COBLL1: variants seen among roughly 807,000 people sequenced by gnomAD.
COBLL1 encodes cordon-bleu WH2 repeat protein like 1.
In COBLL1, 50 loss-of-function variants were observed where a neutral mutation model predicts 94.8. The observed-to-expected ratio is 0.53, with a 90% CI of 0.42 to 0.67. The LOEUF (loss-of-function observed/expected upper bound fraction) is 0.67. COBLL1 is among the 30% of genes least tolerant of loss of function. COBLL1 has a pLI of 0.00. For synonymous variants in COBLL1, 448 were observed against 473.8 expected (o/e 0.95, Z 0.71); for missense variants, 1,362 against 1,348.7 (o/e 1.01, Z -0.15).
chr2:164,687,225 TTTG>T, intron 13 of COBLL1: 1 of 408,902 alleles, frequency 2.4e-6, no homozygotes, highest in South Asian at 5.4e-5. Context: ...TTTTTTTTTT[TTTG>T]GAGAGGAAGT....
intron 2 of COBLL1, among the ~76,000 whole-genome samples, chr2:164,836,013 T>C (rs1683301426): frequency 6.6e-6 from 1 of 152,168 alleles, no homozygotes; most frequent in Admixed American, 6.5e-5. Flanking sequence ...TTAACACATC[T>C]GGCGTTTCAG....
chr2:164,721,110 T>C (rs1685422722), intron 7 of COBLL1, among the ~76,000 whole-genome samples: 1 of 152,238 alleles, frequency 6.6e-6, no homozygotes, highest in Admixed American at 6.5e-5. Context: ...GTTAATTTTT[T>C]TTAAGTAAAG....
chr2:164,753,153 GA>G (rs1378993608), intron 2 of COBLL1, among the ~76,000 whole-genome samples: 1 of 152,136 alleles, frequency 6.6e-6, no homozygotes, highest in Non-Finnish European at 1.5e-5. Flanking sequence ...CAGAAGCCTG[GA>G]AAATGGGATC....
chr2:164,789,406 T>C (rs1375773515), intron 2 of COBLL1, among the ~76,000 whole-genome samples: 2 of 152,072 alleles, frequency 1.3e-5, no homozygotes, highest in African/African-American at 2.4e-5. Context: ...ATATCCTGTC[T>C]TACAAGGCTG....
downstream of COBLL1, among the ~76,000 whole-genome samples, chr2:164,678,635 T>TAAGCCACAAACAA (rs1225956299): frequency 2.0e-5 from 3 of 152,082 alleles, no homozygotes; most frequent in Non-Finnish European, 4.4e-5. Flanking sequence ...ATTAAGACAA[T>TAAGCCACAAACAA]TTAAATAAAC....
chr2:164,672,191 G>A (rs1574389292), intron 1 of COBLL1, among the ~76,000 whole-genome samples: 1 of 152,130 alleles, frequency 6.6e-6, no homozygotes, highest in East Asian at 1.9e-4. Context: ...TGCTATTTTT[G>A]CACTTTCCCT....
intron 2 of COBLL1, among the ~76,000 whole-genome samples, chr2:164,658,181 T>TCA (rs1691008697): frequency 6.6e-6 from 1 of 152,162 alleles, no homozygotes; most frequent in Admixed American, 6.5e-5. Flanking sequence ...ATGGAAGCGG[T>TCA]CACCTTCCCA....
At chr2:164,671,044 T>C (rs1162048542) in intron 1 of COBLL1, among the ~76,000 whole-genome samples, 1 of 152,160 alleles carries the variant, frequency 6.6e-6, no homozygotes, top group African/African-American at 2.4e-5. Context: ...TCAAGCAATA[T>C]TCTGAAACCC....
chr2:164,740,867 G>A (rs542632663), intron 3 of COBLL1, among the ~76,000 whole-genome samples: 2 of 152,200 alleles, frequency 1.3e-5, no homozygotes, highest in Admixed American at 1.3e-4. Flanking sequence ...TGGAGAAAAT[G>A]AGGCTAGTGA....
At chr2:164,709,840 T>A (rs1038043556) in intron 7 of COBLL1, among the ~76,000 whole-genome samples, 1 of 152,218 alleles carries the variant, frequency 6.6e-6, no homozygotes, top group Non-Finnish European at 1.5e-5. Context: ...CTGTTAATAA[T>A]GGTTAAAACT....
intron 2 of COBLL1, among the ~76,000 whole-genome samples, chr2:164,809,595 A>C (rs1453817818): frequency 6.6e-6 from 1 of 152,016 alleles, no homozygotes; most frequent in Non-Finnish European, 1.5e-5. Flanking sequence ...TGACAAGAAG[A>C]TATTTAACCT....
chr2:164,664,020 A>G (rs1449438947), intron 2 of COBLL1, among the ~76,000 whole-genome samples: 1 of 152,230 alleles, frequency 6.6e-6, no homozygotes, highest in African/African-American at 2.4e-5. Context: ...TTATACTTAA[A>G]ATAAAAACAA....
intron 7 of COBLL1, 111 bp downstream of exon 7, chr2:164,721,964 G>A (rs1558952376): frequency 2.7e-6 from 2 of 752,370 alleles, no homozygotes; most frequent in East Asian, 2.6e-5. Flanking sequence ...ATTACCAACT[G>A]TTATAGGACT....
At position 164,730,032 on chromosome 2, in the gene COBLL1, G is replaced by C; in HGVS notation, c.314C>G (p.Ala105Gly). The stretch of plus-strand genomic sequence containing the variant: ...CTTAAATTTAATGTGGTTCTGTTCA[G>C]CTGACAACAGATCGATTGTGTAACT... ...PSSYTIDLLSAEQNHIKFKPN... is the reference protein window; with the variant it reads ...PSSYTIDLLSGEQNHIKFKPN... The change falls in exon 4 of 14, where the codon GCT becomes GGT. Residue 105 changes from alanine to glycine, a missense_variant. Coordinates refer to ENST00000652658, the MANE Select transcript of COBLL1 (RefSeq NM_001365672.2). The C allele has an allele frequency of 6.2e-7, 1 of 1,613,910 alleles. No homozygotes were observed. Among genetic ancestry groups the C allele is most frequent in the Non-Finnish European group, 8.5e-7 (1 of 1,179,866 alleles).
intron 5 of COBLL1, chr2:164,723,238 T>C (rs1167791824): frequency 6.6e-6 from 1 of 152,150 alleles, no homozygotes; most frequent in East Asian, 1.9e-4. Context: ...TGCTGAAAAT[T>C]AGGAAGCCCT....
At chr2:164,694,212 C>T (rs1683771419) in intron 12 of COBLL1, 57 bp downstream of exon 12, 3 of 1,483,920 alleles carry the variant, frequency 2.0e-6, no homozygotes, top group Admixed American at 4.0e-5. Context: ...GCTTGTTAAC[C>T]CCCATTAAAC....
At chr2:164,769,724 A>G (rs1688113199) in intron 2 of COBLL1, among the ~76,000 whole-genome samples, 1 of 152,102 alleles carries the variant, frequency 6.6e-6, no homozygotes, top group Non-Finnish European at 1.5e-5. Context: ...ACAGAGTTAA[A>G]AGAAGCAATG....
At chr2:164,740,886 A>AG (rs532519771) in intron 3 of COBLL1, among the ~76,000 whole-genome samples, 3 of 150,806 alleles carry the variant, frequency 2.0e-5, no homozygotes, top group East Asian at 1.9e-4. Context: ...GAGTTACACG[A>AG]GGGGGGGAAA....
At chr2:164,803,636 G>A (rs1222085431) in intron 2 of COBLL1, among the ~76,000 whole-genome samples, 1 of 151,732 alleles carries the variant, frequency 6.6e-6, no homozygotes, top group Non-Finnish European at 1.5e-5. Context: ...AACTAGCATT[G>A]CTTATAATCC....
Sources: allele counts gnomAD v4.1 joint callset (sites outside exome capture counted in the v4.1 genomes callset), GRCh38; gene constraint gnomAD v4.1.1; transcripts MANE v1.5; gene names NCBI Gene and HGNC (gene_info 2026-07-23, HGNC 2026-07-21).